The following RHOJ variants were observed in gnomAD, a reference collection of about 807,000 sequenced individuals.
The protein encoded by RHOJ is rho-related GTP-binding protein RhoJ.
RHOJ carries 11 observed loss-of-function variants against 23.4 expected under a neutral mutation model. That is an observed-to-expected ratio of 0.47 (90% CI 0.30 to 0.78). RHOJ has a LOEUF of 0.78. Ranked by LOEUF, RHOJ falls within the 30% of genes least tolerant of loss-of-function variation. The pLI, the probability that RHOJ is intolerant of heterozygous loss-of-function variation, is 0.08. For synonymous variants in RHOJ, 102 were observed against 102.7 expected (o/e 0.99, Z 0.04); for missense variants, 254 against 273.4 (o/e 0.93, Z 0.50).
intron 4 of RHOJ, among the ~76,000 whole-genome samples, chr14:63,286,137 T>C (rs1882076154): frequency 1.3e-5 from 2 of 152,184 alleles, no homozygotes; most frequent in South Asian, 4.1e-4. Flanking sequence ...GAGTCTTTAA[T>C]GCCCTCTTCC....
intron 1 of RHOJ, among the ~76,000 whole-genome samples, chr14:63,215,880 A>G (rs1056574216): frequency 6.6e-6 from 1 of 152,138 alleles, no homozygotes; most frequent in Non-Finnish European, 1.5e-5. Flanking sequence ...AGCCTACAAC[A>G]TAATAGCCAC....
At chr14:63,209,062 C>T (rs1309113449) in intron 1 of RHOJ, among the ~76,000 whole-genome samples, 2 of 152,094 alleles carry the variant, frequency 1.3e-5, no homozygotes, top group African/African-American at 4.8e-5. Flanking sequence ...GTTATCATCC[C>T]TTCCTCCTAC....
In RHOJ at chr14:63,209,178, T is replaced by C. The variant is rs548830780; in HGVS notation, c.178+4131T>C. 2.6e-5 allele frequency among the ~76,000 whole-genome samples: 4 copies of C among 152,284 alleles called. No individual in the cohort carries two copies. In the South Asian group the frequency reaches 6.2e-4, roughly 24 times the overall value. On this transcript the variant is annotated intron_variant, in intron 1 of 4. Coordinates refer to ENST00000316754, the MANE Select transcript of RHOJ (RefSeq NM_020663.5). ...CCATCATCTCTCATCCAAACTACTA[T>C]AATCAATTCCCAATTCCCTACTTCC...
Position 63,279,290 on chromosome 14 carries a change from T to C in RHOJ, c.238-1681T>C, listed in dbSNP as rs139926451. Among the ~76,000 whole-genome samples, 650 of 152,358 alleles carry C rather than the reference T, an allele frequency of 4.3e-3. 2 individuals are homozygous for C. The highest frequency in any genetic ancestry group is 0.015 in the African/African-American group (629 of 41,582). The stretch of plus-strand genomic sequence containing the variant: ...TATAAGTTTAGTTGCACATATAGTA[T>C]ACACACATATATAGTGCACACACAT... On this transcript the variant is annotated intron_variant, in intron 2 of 4. Coordinates refer to ENST00000316754, the MANE Select transcript of RHOJ (RefSeq NM_020663.5).
chr14:63,262,422 A>T (rs1309475955), intron 1 of RHOJ, among the ~76,000 whole-genome samples: 1 of 152,240 alleles, frequency 6.6e-6, no homozygotes, highest in Non-Finnish European at 1.5e-5. Context: ...CAAGAGAGTA[A>T]AGAGTTTAAT....
chr14:63,213,821 C>T (rs1485461460), intron 1 of RHOJ, among the ~76,000 whole-genome samples: 8 of 152,030 alleles, frequency 5.3e-5, no homozygotes, highest in Non-Finnish European at 1.2e-4. Flanking sequence ...TATCTAGACA[C>T]TAGAAGATGA....
chr14:63,209,796 T>C lies in RHOJ; in HGVS notation c.178+4749T>C, dbSNP rs10141596. ...GTCCATTAAAACTTTGATGAATAAATGAACAAATTGCTTGTCCAATAGATA... is the reference window on the plus strand; with the variant it reads ...GTCCATTAAAACTTTGATGAATAAACGAACAAATTGCTTGTCCAATAGATA... On this transcript the variant is annotated intron_variant, in intron 1 of 4. Transcript: ENST00000316754. Among the ~76,000 whole-genome samples, 1,502 of 152,204 alleles carry C rather than the reference T, an allele frequency of 9.9e-3. 22 individuals carry two copies. Among genetic ancestry groups the C allele is most frequent in the African/African-American group, 0.034 (1,423 of 41,528 alleles).
chr14:63,212,441 G>A (rs1894258922), intron 1 of RHOJ, among the ~76,000 whole-genome samples: 1 of 152,066 alleles, frequency 6.6e-6, no homozygotes. Context: ...TTGCATTCTG[G>A]CACTGCAACT....
At chr14:63,256,600 G>C (rs1440773420) in intron 1 of RHOJ, among the ~76,000 whole-genome samples, 1 of 152,204 alleles carries the variant, frequency 6.6e-6, no homozygotes, top group Non-Finnish European at 1.5e-5. Context: ...GCAGGGCTCA[G>C]TAATGTACCA....
rs527893887 is a variant in RHOJ, at chr14:63,293,488, A to C, written c.*2464A>C. Among the ~76,000 whole-genome samples the C allele has an allele frequency of 5.8e-4, 88 of 152,248 alleles. No individual in the cohort carries two copies. Among genetic ancestry groups the C allele is most frequent in the Non-Finnish European group, 1.1e-3 (73 of 68,052 alleles). On this transcript the variant is annotated 3_prime_UTR_variant, in exon 5 of 5. Coordinates refer to ENST00000316754, the MANE Select transcript of RHOJ (RefSeq NM_020663.5). ...CAGGGGTCTTAAGAGCTAATTACTG[A>C]ATAAAACAATCTAGAACAAAGCAAC...
chr14:63,269,017 A>C, intron 1 of RHOJ, 93 bp from the exon 2 acceptor site: 1 of 850,712 alleles, frequency 1.2e-6, no homozygotes, highest in Non-Finnish European at 2.0e-6. Flanking sequence ...CTTGCTGCCC[A>C]AGGAGATGCT....
At chr14:63,229,139 C>T (rs1340801295) in intron 1 of RHOJ, among the ~76,000 whole-genome samples, 1 of 152,152 alleles carries the variant, frequency 6.6e-6, no homozygotes, top group African/African-American at 2.4e-5. Flanking sequence ...TAAGTTGTTT[C>T]CTTTCAGAAG....
intron 1 of RHOJ, among the ~76,000 whole-genome samples, chr14:63,219,255 G>A (rs1308692632): frequency 6.6e-6 from 1 of 152,114 alleles, no homozygotes; most frequent in Non-Finnish European, 1.5e-5. Flanking sequence ...TTTTGAGGGT[G>A]AAAAGGGTCA....
intron 4 of RHOJ, among the ~76,000 whole-genome samples, chr14:63,284,595 T>C (rs1467745304): frequency 2.0e-5 from 3 of 152,350 alleles, no homozygotes; most frequent in East Asian, 3.9e-4. Flanking sequence ...TATCTTTCCT[T>C]GGGTGAAATG....
At chr14:63,233,780 T>C (rs970464252) in intron 1 of RHOJ, among the ~76,000 whole-genome samples, 1 of 152,204 alleles carries the variant, frequency 6.6e-6, no homozygotes, top group Non-Finnish European at 1.5e-5. Flanking sequence ...GGCTTCTCGC[T>C]TGGGACTCAT....
At chr14:63,208,367 T>C (rs1371028314) in intron 1 of RHOJ, among the ~76,000 whole-genome samples, 1 of 152,160 alleles carries the variant, frequency 6.6e-6, no homozygotes, top group Non-Finnish European at 1.5e-5. Context: ...ACAAATTTGT[T>C]TACATCTCTA....
At chr14:63,282,286 G>GCACACACACACACA (rs36227581) in intron 3 of RHOJ, among the ~76,000 whole-genome samples, 60 of 133,294 alleles carry the variant, frequency 4.5e-4, no homozygotes, top group African/African-American at 1.5e-3. Context: ...ACAAACACAT[G>GCACACACACACACA]CACACACACA....
chr14:63,275,307 C>G (rs543668601), intron 2 of RHOJ, among the ~76,000 whole-genome samples: 1 of 152,110 alleles, frequency 6.6e-6, no homozygotes, highest in Non-Finnish European at 1.5e-5. Context: ...GAGACCCAAT[C>G]TCAAAACAAA....
intron 1 of RHOJ, among the ~76,000 whole-genome samples, chr14:63,210,511 T>C (rs1326632181): frequency 6.6e-6 from 1 of 152,176 alleles, no homozygotes; most frequent in African/African-American, 2.4e-5. Context: ...TCACTCTTGT[T>C]TATTACAAGT....
Sources: allele counts gnomAD v4.1 joint callset (sites outside exome capture counted in the v4.1 genomes callset), GRCh38; gene constraint gnomAD v4.1.1; transcripts MANE v1.5; gene names NCBI Gene and HGNC (gene_info 2026-07-23, HGNC 2026-07-21).